The following TMEM131L variants were observed in gnomAD, a reference collection of about 807,000 sequenced individuals.
The protein encoded by TMEM131L is transmembrane protein 131-like.
Under a neutral mutation model 192.2 loss-of-function variants are expected in TMEM131L, and 54 were observed. The ratio of observed to expected loss-of-function variants is 0.28; its 90% CI spans 0.23 to 0.35. TMEM131L has a LOEUF of 0.35. Among genes scored for constraint, TMEM131L ranks in the 10% least tolerant of loss-of-function variants. The pLI is 1.00. For synonymous variants in TMEM131L, 701 were observed against 704.9 expected, an observed-to-expected ratio of 0.99 and a Z score of 0.09; for missense variants, 1,888 against 1,972.9, an observed-to-expected ratio of 0.96 and a Z score of 0.82.
intron 3 of TMEM131L, among the ~76,000 whole-genome samples, chr4:153,498,068 C>T (rs1460816440): frequency 6.6e-6 from 1 of 152,176 alleles, no homozygotes; most frequent in Non-Finnish European, 1.5e-5. Flanking sequence ...ATTTAAGGCA[C>T]AGCTCCTGTT....
At chr4:153,623,396 G>A (rs190767026) in intron 29 of TMEM131L, among the ~76,000 whole-genome samples, 63 of 152,266 alleles carry the variant, frequency 4.1e-4, no homozygotes, top group African/African-American at 1.4e-3. Flanking sequence ...TCTTAGGTGT[G>A]GACTTCTATG....
intron 3 of TMEM131L, among the ~76,000 whole-genome samples, chr4:153,482,434 T>C (rs1483341663): frequency 6.6e-6 from 1 of 151,894 alleles, no homozygotes; most frequent in Non-Finnish European, 1.5e-5. Context: ...CACAGAAACC[T>C]TTTTTTTAGG....
intron 3 of TMEM131L, among the ~76,000 whole-genome samples, chr4:153,474,992 C>T (rs189726524): frequency 5.6e-4 from 85 of 152,208 alleles, no homozygotes; most frequent in African/African-American, 1.9e-3. Flanking sequence ...GCTTCCAGAC[C>T]CCCAGGGTGT....
intron 3 of TMEM131L, among the ~76,000 whole-genome samples, chr4:153,532,015 A>T (rs948003282): frequency 2.0e-5 from 3 of 152,206 alleles, no homozygotes; most frequent in African/African-American, 7.2e-5. Flanking sequence ...AGTCTAGTAG[A>T]GCCTGCTTGA....
At chr4:153,548,783 C>G (rs372581814) in intron 3 of TMEM131L, among the ~76,000 whole-genome samples, 48 of 152,156 alleles carry the variant, frequency 3.2e-4, no homozygotes, top group African/African-American at 1.1e-3. Context: ...GTTCTCGGGT[C>G]TCTGCATTGT....
chr4:153,608,290 A>G (rs1444074128), intron 25 of TMEM131L, among the ~76,000 whole-genome samples: 1 of 152,210 alleles, frequency 6.6e-6, no homozygotes, highest in Non-Finnish European at 1.5e-5. Context: ...GTTTTTTGGC[A>G]TCAACTTGTC....
chr4:153,504,231 T>A (rs1580089135), intron 3 of TMEM131L, among the ~76,000 whole-genome samples: 1 of 143,682 alleles, frequency 7.0e-6, no homozygotes, highest in Non-Finnish European at 1.5e-5. Context: ...CCTCCCAAAG[T>A]GCTGGGATTA....
intron 24 of TMEM131L, 85 bp downstream of exon 24, chr4:153,603,537 A>G: frequency 7.1e-7 from 1 of 1,410,044 alleles, no homozygotes; most frequent in Non-Finnish European, 9.6e-7. Context: ...TTAAGTAAAC[A>G]TAAATTTTGA....
chr4:153,586,327 A>G lies in TMEM131L; in HGVS notation c.1430A>G (p.Asn477Ser). ...TTCACCAATGTATTTTTGACTACAAACATAGGTGCCATTTTTGCAATACCT... is the reference window on the plus strand; with the variant it reads ...TTCACCAATGTATTTTTGACTACAAGCATAGGTGCCATTTTTGCAATACCT... ...NLFTNVFLTT[N>S]IGAIFAIPLQ... The change falls in exon 14 of 35, where the codon AAC becomes AGC. Residue 477 changes from asparagine (N) to serine (S), a missense_variant. By Grantham distance (46) the Asn-to-Ser change is conservative. Coordinates refer to ENST00000409959, the MANE Select transcript of TMEM131L (RefSeq NM_001131007.2). The G allele has an allele frequency of 6.2e-7, 1 of 1,605,026 alleles. No individual in the cohort carries two copies.
chr4:153,620,485 A>G (rs1733312202), intron 26 of TMEM131L, among the ~76,000 whole-genome samples: 2 of 152,250 alleles, frequency 1.3e-5, no homozygotes, highest in African/African-American at 4.8e-5. Flanking sequence ...GTTAACAGCA[A>G]GCTGGTCATA....
rs200882927 is a variant in TMEM131L at position 153,523,052 on chromosome 4, G to A, written c.240-27021G>A. On this transcript the variant is annotated intron_variant, in intron 3 of 34. Transcript: ENST00000409959. Reference sequence around the variant, plus strand: ...AAGGATGAGTAGGTTTTTGTGGCTTGGTTTGCTCACCTAATCATCAACGTA... The same window carrying A: ...AAGGATGAGTAGGTTTTTGTGGCTTAGTTTGCTCACCTAATCATCAACGTA... Among the ~76,000 whole-genome samples, 1,064 of 152,074 alleles carry A rather than the reference G, an allele frequency of 7.0e-3. 18 individuals carry two copies. Among genetic ancestry groups the A allele is most frequent in the African/African-American group, 0.024 (1,003 of 41,466 alleles).
intron 15 of TMEM131L, 114 bp from the exon 16 acceptor site, chr4:153,588,776 A>G: frequency 3.3e-6 from 2 of 608,424 alleles, no homozygotes; most frequent in Admixed American, 6.1e-5. Context: ...GGTGGCATTT[A>G]TTAACTCTAC....
At chr4:153,487,291 A>G (rs1355582857) in intron 3 of TMEM131L, among the ~76,000 whole-genome samples, 1 of 152,144 alleles carries the variant, frequency 6.6e-6, no homozygotes, top group Non-Finnish European at 1.5e-5. Flanking sequence ...ACTTACCACC[A>G]CTGGCCCAGG....
rs35018723 is a variant in TMEM131L at position 153,621,754 on chromosome 4, A to G, written c.3764A>G (p.Asn1255Ser). The stretch of plus-strand genomic sequence containing the variant: ...AGGTCTGAGCTGAGCAGTGACATCA[A>G]TGTAAGAAGCTGGTGTATACAGGAA... Reference protein sequence around the residue: ...FERSELSSDINVRSWCIQEST... With the variant: ...FERSELSSDISVRSWCIQEST... Residue 1255 changes from asparagine (N) to serine (S), a missense_variant, in exon 28 of 35, where the codon AAT becomes AGT. Physicochemically the swap from Asn to Ser is conservative, Grantham distance 46 (BLOSUM62 1). Transcript: ENST00000409959. 3.1e-3 allele frequency: 5,003 copies of G among 1,614,112 alleles called. 151 individuals carry two copies. In the African/African-American group the frequency reaches 0.059, roughly 19 times the overall value.
At chr4:153,527,767 G>A (rs1561160855) in intron 3 of TMEM131L, among the ~76,000 whole-genome samples, 1 of 152,152 alleles carries the variant, frequency 6.6e-6, no homozygotes. Context: ...AACCCAACAC[G>A]TTTTACCTGG....
chr4:153,557,256 C>G (rs1561189986), intron 6 of TMEM131L, among the ~76,000 whole-genome samples, 174 bp downstream of exon 6: 1 of 152,182 alleles, frequency 6.6e-6, no homozygotes, highest in South Asian at 2.1e-4. Flanking sequence ...GCCTGACATG[C>G]CACAGTTGGC....
intron 29 of TMEM131L, among the ~76,000 whole-genome samples, chr4:153,624,494 A>G (rs1733691690): frequency 6.6e-6 from 1 of 152,260 alleles, no homozygotes; most frequent in Non-Finnish European, 1.5e-5. Context: ...TGTTTTCAAC[A>G]TAGTAAACTT....
chr4:153,606,378 A>G (rs1381521747), intron 25 of TMEM131L, among the ~76,000 whole-genome samples: 2 of 152,192 alleles, frequency 1.3e-5, no homozygotes, highest in Non-Finnish European at 2.9e-5. Context: ...TGTGCCTGCA[A>G]GATGCAATGC....
Position 153,621,811 on chromosome 4 carries a change from A to G in TMEM131L, c.3821A>G (p.Glu1274Gly), listed in dbSNP as rs1206019953. The change falls in exon 28 of 35, where the codon GAA becomes GGA. Residue 1274 changes from glutamate to glycine, a missense_variant. Coordinates refer to ENST00000409959, the MANE Select transcript of TMEM131L (RefSeq NM_001131007.2). Reference sequence around the variant, plus strand: ...AGGGAGGTTTGTAAAGCAGATGCCGAAATTGCAAGCAGTTTACCTGCTGCC... The same window carrying G: ...AGGGAGGTTTGTAAAGCAGATGCCGGAATTGCAAGCAGTTTACCTGCTGCC... ...STREVCKADA[E>G]IASSLPAAQR... is the part of the protein sequence containing the mutation. 2.5e-6 allele frequency: 4 copies of G among 1,614,070 alleles called. No homozygotes were observed. The highest frequency in any genetic ancestry group is 3.4e-6 in the Non-Finnish European group (4 of 1,180,022).
Sources: gnomAD v4.1 joint callset for allele counts (sites outside exome capture counted in the v4.1 genomes callset) on GRCh38, gnomAD v4.1.1 for gene constraint, MANE v1.5 for transcripts, NCBI Gene and HGNC (gene_info 2026-07-23, HGNC 2026-07-21) for gene names.